Variants in PRKCE observed in about 807,000 individuals in gnomAD.
PRKCE encodes protein kinase C epsilon type.
A neutral mutation model predicts 85.4 loss-of-function variants in PRKCE; 16 were observed. The observed-to-expected ratio is 0.19, with a 90% confidence interval of 0.13 to 0.28. PRKCE has a LOEUF of 0.28. Among genes scored for constraint, PRKCE ranks in the 10% least tolerant of loss-of-function variants. The pLI, the probability that PRKCE is intolerant of heterozygous loss-of-function variation, is 1.00. For synonymous variants in PRKCE, 388 were observed against 371.5 expected (o/e 1.04, Z -0.51); for missense variants, 573 against 975.2 (o/e 0.59, Z 5.49).
intron 10 of PRKCE, among the ~76,000 whole-genome samples, chr2:46,040,703 A>G (rs1422224217): frequency 6.6e-6 from 1 of 152,184 alleles, no homozygotes; most frequent in Non-Finnish European, 1.5e-5. Context: ...TTAGAGTAAA[A>G]CTAGAAAGAA....
At chr2:45,799,577 T>A (rs2105168736) in intron 1 of PRKCE, among the ~76,000 whole-genome samples, 1 of 152,320 alleles carries the variant, frequency 6.6e-6, no homozygotes, top group African/African-American at 2.4e-5. Flanking sequence ...AAGAAAAGAA[T>A]ATTTTTTAAA....
At chr2:46,124,655 A>G (rs1673670797) in intron 11 of PRKCE, among the ~76,000 whole-genome samples, 1 of 152,182 alleles carries the variant, frequency 6.6e-6, no homozygotes, top group Admixed American at 6.5e-5. Context: ...GGCAGAGGAA[A>G]GGGATCATAT....
At chr2:45,978,695 C>A (rs183913360) in intron 3 of PRKCE, 92 of 324,116 alleles carry the variant, frequency 2.8e-4, no homozygotes, top group Middle Eastern at 9.3e-4. Flanking sequence ...TTGTGGCTTT[C>A]CAGAACATTG....
At chr2:45,848,170 A>G (rs936788779) in intron 2 of PRKCE, among the ~76,000 whole-genome samples, 2 of 152,224 alleles carry the variant, frequency 1.3e-5, no homozygotes, top group African/African-American at 4.8e-5. Flanking sequence ...GGGTTCTCTC[A>G]GATTCAAGCC....
chr2:46,168,444 A>G (rs1381130641), intron 14 of PRKCE, among the ~76,000 whole-genome samples: 3 of 152,218 alleles, frequency 2.0e-5, no homozygotes, highest in Non-Finnish European at 4.4e-5. Flanking sequence ...GGGATCAGGA[A>G]GAAAGAACTA....
intron 11 of PRKCE, among the ~76,000 whole-genome samples, chr2:46,109,668 C>T (rs1672073257): frequency 6.6e-6 from 1 of 151,998 alleles, no homozygotes; most frequent in South Asian, 2.1e-4. Flanking sequence ...TTTGTTAATT[C>T]CTTCCTAATC....
intron 1 of PRKCE, among the ~76,000 whole-genome samples, chr2:45,799,017 T>G (rs1023124027): frequency 3.9e-5 from 6 of 151,930 alleles, no homozygotes; most frequent in Non-Finnish European, 8.8e-5. Context: ...AATACAAAAA[T>G]TAGCCGGGCA....
intron 1 of PRKCE, among the ~76,000 whole-genome samples, chr2:45,734,064 A>C (rs1040923280): frequency 6.6e-6 from 1 of 152,196 alleles, no homozygotes; most frequent in African/African-American, 2.4e-5. Flanking sequence ...AGTGCAGTCC[A>C]GTGGAAAACA....
chr2:45,999,208 T>C (rs561560760), intron 6 of PRKCE, among the ~76,000 whole-genome samples: 1 of 152,208 alleles, frequency 6.6e-6, no homozygotes, highest in Non-Finnish European at 1.5e-5. Flanking sequence ...TCCAAGTTTC[T>C]GAGCTGTATC....
intron 11 of PRKCE, among the ~76,000 whole-genome samples, chr2:46,098,259 T>A (rs777534684): frequency 4.6e-5 from 7 of 152,194 alleles, no homozygotes; most frequent in Non-Finnish European, 8.8e-5. Context: ...TCTGTGATGT[T>A]GGGCAAAGAA....
chr2:45,826,602 T>TC (rs750654211), intron 1 of PRKCE, among the ~76,000 whole-genome samples: 31 of 152,158 alleles, frequency 2.0e-4, no homozygotes, highest in African/African-American at 9.6e-5. Context: ...GCTTGGACCT[T>TC]CCCCCCGAAC....
intron 10 of PRKCE, among the ~76,000 whole-genome samples, chr2:46,071,074 A>G (rs975043943): frequency 6.6e-6 from 1 of 152,248 alleles, no homozygotes; most frequent in Non-Finnish European, 1.5e-5. Flanking sequence ...CCAAATGCGT[A>G]GAGATGCCCA....
intron 10 of PRKCE, among the ~76,000 whole-genome samples, chr2:46,012,626 G>A (rs1050685361): frequency 1.3e-5 from 2 of 152,142 alleles, no homozygotes; most frequent in Non-Finnish European, 2.9e-5. Flanking sequence ...CCATTATCAA[G>A]AAGCCCAACA....
chr2:45,658,924 G>A (rs540707683), intron 1 of PRKCE, among the ~76,000 whole-genome samples: 3 of 152,186 alleles, frequency 2.0e-5, no homozygotes, highest in Admixed American at 6.5e-5. Flanking sequence ...TAGAAGCTGC[G>A]GTCATTGTAG....
intron 1 of PRKCE, among the ~76,000 whole-genome samples, chr2:45,836,152 T>C (rs1350062069): frequency 6.6e-6 from 1 of 152,242 alleles, no homozygotes; most frequent in Non-Finnish European, 1.5e-5. Context: ...TGTAGAAATC[T>C]GTATTGAATC....
At chr2:46,049,476 G>T (rs1397815924) in intron 10 of PRKCE, among the ~76,000 whole-genome samples, 1 of 152,156 alleles carries the variant, frequency 6.6e-6, no homozygotes, top group East Asian at 1.9e-4. Flanking sequence ...CCCTTTACAC[G>T]CACATCTTGC....
chr2:46,114,407 C>CTT lies in PRKCE; in HGVS notation c.1592+28072_1592+28073dup, dbSNP rs36107970. ...AATATTGCCCTCCCAGAGTCCAAGG[C>CTT]TTTTTTTTTTTTTTTTTTTTTTTTT... On this transcript the variant is annotated intron_variant, in intron 11 of 14. Transcript: ENST00000306156. Among the ~76,000 whole-genome samples, 7 of 47,722 alleles carry CTT rather than the reference C, an allele frequency of 1.5e-4. 2 individuals are homozygous for CTT. Among genetic ancestry groups the CTT allele is most frequent in the African/African-American group, 4.0e-4 (4 of 10,092 alleles). 31.3% of individuals were successfully genotyped at this position (47,722 alleles called of 152,430 possible). A position where few individuals can be genotyped will look rare whatever the true frequency, so the allele number is the denominator to read the frequency against.
At chr2:46,164,603 G>C (rs1240236617) in intron 14 of PRKCE, 1 of 152,772 alleles carries the variant, frequency 6.5e-6, no homozygotes, top group African/African-American at 2.4e-5. Context: ...GGGGTGCCCT[G>C]CCTGTCTGAT....
At chr2:45,818,510 C>G (rs931642613) in intron 1 of PRKCE, among the ~76,000 whole-genome samples, 1 of 152,202 alleles carries the variant, frequency 6.6e-6, no homozygotes, top group South Asian at 2.1e-4. Flanking sequence ...GCAAGTCTCT[C>G]AGAAACTGTG....
Sources: gnomAD v4.1 joint callset for allele counts (sites outside exome capture counted in the v4.1 genomes callset) on GRCh38, gnomAD v4.1.1 for gene constraint, MANE v1.5 for transcripts, NCBI Gene and HGNC (gene_info 2026-07-23, HGNC 2026-07-21) for gene names.